USP34: variants seen among roughly 807,000 people sequenced by gnomAD.
USP34 encodes the protein ubiquitin carboxyl-terminal hydrolase 34.
USP34 carries 70 observed loss-of-function variants against 460.3 expected under a neutral mutation model. The observed-to-expected ratio is 0.15, with a 90% CI of 0.13 to 0.19. The LOEUF is 0.19. USP34 is among the 10% of genes least tolerant of loss of function. The probability of loss-of-function intolerance (pLI) is 1.00; values close to 1 mark genes in which losing one functional copy is unlikely to be tolerated. For synonymous variants in USP34, 1,647 were observed against 1,405.3 expected (o/e 1.17, Z -3.85); for missense variants, 3,985 against 4,236.2 (o/e 0.94, Z 1.65).
chr2:61,282,771 T>TA (rs1689571390), intron 37 of USP34, among the ~76,000 whole-genome samples: 1 of 151,328 alleles, frequency 6.6e-6, no homozygotes, highest in East Asian at 1.9e-4. Flanking sequence ...GCCTGGGTGA[T>TA]ACAGGGAACA....
chr2:61,446,259 G>T (rs1186706), intron 1 of USP34, among the ~76,000 whole-genome samples: 72,265 of 151,882 alleles, frequency 0.48, 17,528 homozygotes, highest in Middle Eastern at 0.57. Flanking sequence ...AAAATCTAGG[G>T]TCTAGCTTAA....
intron 27 of USP34, among the ~76,000 whole-genome samples, chr2:61,311,108 T>G (rs1046123552): frequency 3.2e-4 from 48 of 152,262 alleles, no homozygotes; most frequent in African/African-American, 1.1e-3. Flanking sequence ...TGGTTTGAAT[T>G]TTTTTGTTCT....
chr2:61,426,609 T>C (rs1694518813), intron 1 of USP34, among the ~76,000 whole-genome samples: 1 of 152,250 alleles, frequency 6.6e-6, no homozygotes, highest in South Asian at 2.1e-4. Flanking sequence ...ACAACACTTC[T>C]GGACCCACCT....
chr2:61,274,525 A>G (rs1689316050), intron 41 of USP34, among the ~76,000 whole-genome samples: 5 of 152,194 alleles, frequency 3.3e-5, no homozygotes, highest in East Asian at 3.8e-4. Flanking sequence ...GTTAAGGACT[A>G]TAACATACAT....
At position 61,188,301 on chromosome 2, in the gene USP34, G is replaced by C. The variant is rs1686505930; in HGVS notation, c.10442C>G (p.Ala3481Gly). ...TTGGCCATCACAGCTTCTCAAGTCAGCTAAGTCAGACAGAACTGCAGAGAT... is the reference window on the plus strand; with the variant it reads ...TTGGCCATCACAGCTTCTCAAGTCACCTAAGTCAGACAGAACTGCAGAGAT... ...TSISAVLSDL[A>G]DLRSCDGQAL... is the part of the protein sequence containing the mutation. The change falls in exon 80 of 80, where the codon GCT (alanine) becomes GGT (glycine). Residue 3481 changes from alanine (A) to glycine (G), a missense_variant. Physicochemically the swap from Ala to Gly is moderately conservative, Grantham distance 60. Coordinates refer to ENST00000398571, the MANE Select transcript of USP34 (RefSeq NM_014709.4). 4.3e-6 allele frequency: 7 copies of C among 1,613,800 alleles called. No homozygotes were observed. In the East Asian group the frequency reaches 1.6e-4, roughly 36 times the overall value.
At chr2:61,239,300 T>TCTCTCACACACA (rs1213558114) in intron 53 of USP34, among the ~76,000 whole-genome samples, 7 of 132,768 alleles carry the variant, frequency 5.3e-5, no homozygotes, top group African/African-American at 2.0e-4. Flanking sequence ...GAGGGCCCTG[T>TCTCTCACACACA]CACACACACA....
At chr2:61,335,537 A>G (rs1691390818) in intron 18 of USP34, among the ~76,000 whole-genome samples, 1 of 152,224 alleles carries the variant, frequency 6.6e-6, no homozygotes, top group African/African-American at 2.4e-5. Context: ...GACTGAGCCC[A>G]GGAGTTTGAG....
chr2:61,338,591 G>C (rs951752754), intron 18 of USP34, among the ~76,000 whole-genome samples: 1 of 152,086 alleles, frequency 6.6e-6, no homozygotes, highest in Non-Finnish European at 1.5e-5. Flanking sequence ...ATTAATAACT[G>C]AACTGTCAAC....
At chr2:61,196,659 G>A (rs1184065084) in intron 75 of USP34, among the ~76,000 whole-genome samples, 1 of 152,030 alleles carries the variant, frequency 6.6e-6, no homozygotes, top group Non-Finnish European at 1.5e-5. Flanking sequence ...AGCCTCTCGA[G>A]TAGCTGGGAC....
At chr2:61,293,987 C>T (rs909990858) in intron 32 of USP34, among the ~76,000 whole-genome samples, 1 of 151,958 alleles carries the variant, frequency 6.6e-6, no homozygotes, top group Non-Finnish European at 1.5e-5. Context: ...TGCAATCCAG[C>T]CTGGGTGACA....
At chr2:61,344,150 TAAC>T in intron 15 of USP34, 121 bp from the exon 16 acceptor site, 1 of 843,936 alleles carries the variant, frequency 1.2e-6, no homozygotes, top group Non-Finnish European at 1.8e-6. Flanking sequence ...ATCTGCTTAT[TAAC>T]AATATGGAAT....
chr2:61,377,250 C>A (rs1692825522), intron 8 of USP34, among the ~76,000 whole-genome samples: 1 of 152,032 alleles, frequency 6.6e-6, no homozygotes. Context: ...GGATTAGCGC[C>A]TTAGAGCAGT....
At chr2:61,236,430 C>G in intron 53 of USP34, 41 bp from the exon 54 acceptor site, 1 of 1,413,282 alleles carries the variant, frequency 7.1e-7, no homozygotes, top group Non-Finnish European at 9.6e-7. Flanking sequence ...AAGCAGTTTA[C>G]TTCATTACAT....
At chr2:61,260,695 A>T (rs540980329) in intron 43 of USP34, among the ~76,000 whole-genome samples, 168 of 152,344 alleles carry the variant, frequency 1.1e-3, no homozygotes, top group African/African-American at 3.1e-3. Flanking sequence ...AAATAATTCC[A>T]GTGTACTCCT....
intron 1 of USP34, among the ~76,000 whole-genome samples, chr2:61,457,197 G>T (rs1695465513): frequency 6.6e-6 from 1 of 152,178 alleles, no homozygotes; most frequent in Non-Finnish European, 1.5e-5. Context: ...GATCTCTTGA[G>T]CCTGGGAGGT....
At chr2:61,458,018 AC>A (rs1695487782) in intron 1 of USP34, among the ~76,000 whole-genome samples, 2 of 152,178 alleles carry the variant, frequency 1.3e-5, no homozygotes, top group Admixed American at 6.6e-5. Context: ...CAGTGATCTT[AC>A]GATTTTTCAG....
At chr2:61,330,363 A>G (rs1691222995) in intron 20 of USP34, among the ~76,000 whole-genome samples, 1 of 152,206 alleles carries the variant, frequency 6.6e-6, no homozygotes, top group Non-Finnish European at 1.5e-5. Flanking sequence ...AAATGCCTCA[A>G]GTCTCAAGTT....
At chr2:61,403,002 T>C (rs2103926352) in intron 3 of USP34, among the ~76,000 whole-genome samples, 2 of 152,236 alleles carry the variant, frequency 1.3e-5, no homozygotes, top group South Asian at 4.1e-4. Context: ...TAACAGATCA[T>C]TATTAAGATA....
chr2:61,363,591 A>G (rs1400333676), intron 10 of USP34, among the ~76,000 whole-genome samples: 3 of 152,258 alleles, frequency 2.0e-5, no homozygotes, highest in African/African-American at 7.2e-5. Context: ...GACAGTTATC[A>G]CAATGTCATG....
Sources: allele counts gnomAD v4.1 joint callset (sites outside exome capture counted in the v4.1 genomes callset), GRCh38; gene constraint gnomAD v4.1.1; transcripts MANE v1.5; gene names NCBI Gene and HGNC (gene_info 2026-07-23, HGNC 2026-07-21).